Variants in MST1R observed in about 807,000 individuals in gnomAD.
The protein encoded by MST1R is macrophage stimulating 1 receptor.
MST1R carries 99 observed loss-of-function variants against 117.8 expected under a neutral mutation model. The ratio of observed to expected loss-of-function variants is 0.84; its 90% CI spans 0.71 to 0.99. The LOEUF (loss-of-function observed/expected upper bound fraction) is 0.99, where lower values mean the gene tolerates loss of function less well. Ranked by LOEUF, MST1R falls within the 50% of genes least tolerant of loss-of-function variation. The pLI, the probability that MST1R is intolerant of heterozygous loss-of-function variation, is 0.00. For missense variants in MST1R, 1,683 were observed against 1,840.2 expected (o/e 0.91, Z 1.56); for synonymous variants, 734 against 765.3 (o/e 0.96, Z 0.68).
Position 49,887,006 on chromosome 3 carries a change from T to G in MST1R, c.*301A>C. The G allele has an allele frequency of 2.2e-6, 1 of 445,570 alleles. No homozygotes were observed. The highest frequency in any genetic ancestry group is 4.0e-6 in the Non-Finnish European group (1 of 248,472). The allele number at this position is 445,570 out of a possible 1,614,324, so 27.6% of individuals were successfully genotyped here. On this transcript the variant is annotated 3_prime_UTR_variant, in exon 20 of 20. Transcript: ENST00000296474. ...CTTTCACACTGTTTGCTACAATTTGTGCTTTAATAGTCATTTGTTCCTTTA... is the reference window on the plus strand; with the variant it reads ...CTTTCACACTGTTTGCTACAATTTGGGCTTTAATAGTCATTTGTTCCTTTA...
At chr3:49,890,110 C>A (rs1477825967) in intron 18 of MST1R, 50 bp from the exon 19 acceptor site, 1 of 1,542,112 alleles carries the variant, frequency 6.5e-7, no homozygotes, top group Admixed American at 2.0e-5. Flanking sequence ...AATTTGGGGG[C>A]AGGTGGGTCC....
intron 9 of MST1R, 49 bp downstream of exon 9, chr3:49,896,491 C>A (rs1356936413): frequency 6.2e-7 from 1 of 1,611,072 alleles, no homozygotes. Context: ...TGGGCTGCAG[C>A]TCAGGGAACT....
chr3:49,897,588 T>C lies in MST1R; in HGVS notation c.1978A>G (p.Thr660Ala). ...AAGTGCTTGCCCGGTGGCATGTTAG[T>C]CACGGTGAGGCTGACGTTGGTAGGC... Reference protein sequence around the residue: ...VGPTNVSLTVTNMPPGKHFRV... With the variant: ...VGPTNVSLTVANMPPGKHFRV... The change falls in exon 6 of 20, where the codon ACT becomes GCT. Residue 660 changes from threonine to alanine, a missense_variant. By Grantham distance (58) the Thr-to-Ala change is moderately conservative. Transcript: ENST00000296474. 6.2e-7 allele frequency: 1 copy of C among 1,614,132 alleles called. No homozygotes were observed. The highest frequency in any genetic ancestry group is 8.5e-7 in the Non-Finnish European group (1 of 1,180,028).
At position 49,891,848 on chromosome 3, in the gene MST1R, G is replaced by A. The variant is rs766932743; in HGVS notation, c.3272-10C>T. On this transcript the variant is annotated splice_polypyrimidine_tract_variant and intron_variant, in intron 14 of 19. Coordinates refer to ENST00000296474, the MANE Select transcript of MST1R (RefSeq NM_002447.4). Reference sequence around the variant, plus strand: ...ACAACTCCAAAGTGGCCTGGTGTGAGGTGCATAATGAGTCGATGAGAGGGG... The same window carrying A: ...ACAACTCCAAAGTGGCCTGGTGTGAAGTGCATAATGAGTCGATGAGAGGGG... 1.2e-6 allele frequency: 2 copies of A among 1,613,796 alleles called. No homozygotes were observed. Among genetic ancestry groups the A allele is most frequent in the East Asian group, 2.2e-5 (1 of 44,882 alleles).
Position 49,902,682 on chromosome 3 carries a change from C to G in MST1R, c.928G>C (p.Gly310Arg). Residue 310 changes from glycine (G) to arginine (R), a missense_variant, in exon 1 of 20, where the codon GGG becomes CGG. Transcript: ENST00000296474. ...CRFAPKRRRRGAPEGGQPYPV... is the reference protein window; with the variant it reads ...CRFAPKRRRRRAPEGGQPYPV... ...TAGGGCTGTCCGCCTTCTGGGGCCC[C>G]CCGGCGCCTGCGTTTTGGAGCAAAT... The G allele has an allele frequency of 6.2e-7, 1 of 1,613,412 alleles. No homozygotes were observed. The highest frequency in any genetic ancestry group is 8.5e-7 in the Non-Finnish European group (1 of 1,180,018).
At position 49,897,393 on chromosome 3, in the gene MST1R, T is replaced by C. The variant is rs1428629113; in HGVS notation, c.2070A>G (p.Gln690=). The change falls in exon 7 of 20, where the codon CAA becomes CAG. Residue 690 remains glutamine, a synonymous_variant. Transcript: ENST00000296474. ...CTCCTGCCCGTGGGCCAAAGAGGGG[T>C]TGCACTGCTATCAGCACTGGCTCCT... ...SFMEPVLIAV[Q]PLFGPRAGGT... The C allele has an allele frequency of 1.2e-6, 2 of 1,613,618 alleles. No homozygotes were observed.
Position 49,890,017 on chromosome 3 carries a change from G to C in MST1R, c.3854C>G (p.Ala1285Gly). 1 of 1,613,328 alleles carries C rather than the reference G, an allele frequency of 6.2e-7. No individual in the cohort carries two copies. ...AGGGTCAATGTGGCGGTATGGTGGG[G>C]CACCCCGTGTCAGCAGTTCCCACAG... Reference protein sequence around the residue: ...VLLWELLTRGAPPYRHIDPFD... With the variant: ...VLLWELLTRGGPPYRHIDPFD... Residue 1285 changes from alanine to glycine, a missense_variant, in exon 19 of 20, where the codon GCC becomes GGC. Transcript: ENST00000296474.
intron 5 of MST1R, 99 bp downstream of exon 5, chr3:49,897,952 T>C (rs780909601): frequency 6.5e-7 from 1 of 1,541,172 alleles, no homozygotes; most frequent in Non-Finnish European, 8.9e-7. Context: ...GCTTCCCCCA[T>C]CCCCCCTTGC....
At position 49,896,533 on chromosome 3, in the gene MST1R, C is replaced by CA; in HGVS notation, c.2439+6dup. 1 of 1,614,070 alleles carries CA rather than the reference C, an allele frequency of 6.2e-7. No individual in the cohort carries two copies. The highest frequency in any genetic ancestry group is 8.5e-7 in the Non-Finnish European group (1 of 1,179,938). On this transcript the variant is annotated splice_region_variant and intron_variant, in intron 9 of 19. Transcript: ENST00000296474. ...GCCTTCCTCCCTCCTGGCCAGCACTCACTCACCCTGCTTTCCACTGCCCTA... is the reference window on the plus strand; with the variant it reads ...GCCTTCCTCCCTCCTGGCCAGCACTCAACTCACCCTGCTTTCCACTGCCCTA...
At chr3:49,898,246 G>A (rs745878504) in intron 4 of MST1R, 35 bp from the exon 5 acceptor site, 1 of 1,610,444 alleles carries the variant, frequency 6.2e-7, no homozygotes, top group Non-Finnish European at 8.5e-7. Context: ...TCCTCATGTG[G>A]GGTTGGGCTC....
Position 49,895,210 on chromosome 3 carries a change from G to A in MST1R, c.3228C>T (p.Pro1076=), listed in dbSNP as rs769544432. The part of the protein sequence containing the change: ...LLAEVKDVLI[P]HERVVTHSDR... Reference sequence around the variant, plus strand: ...CACTGTGGGTGACCACCCGCTCATGGGGAATCAGCACATCCTTGACCTCAG... The same window carrying A: ...CACTGTGGGTGACCACCCGCTCATGAGGAATCAGCACATCCTTGACCTCAG... Residue 1076 remains proline (P), a synonymous_variant, in exon 14 of 20, where the codon CCC becomes CCT. Transcript: ENST00000296474. The A allele has an allele frequency of 7.4e-6, 12 of 1,614,070 alleles. No individual in the cohort carries two copies. Among genetic ancestry groups the A allele is most frequent in the South Asian group, 1.1e-5 (1 of 91,084 alleles).
Position 49,896,579 on chromosome 3 carries a change from C to CTAA in MST1R, c.2399_2400insTTA (p.Val800_Leu801insTer). 6.2e-7 allele frequency: 1 copy of CTAA among 1,614,208 alleles called. No homozygotes were observed. Among genetic ancestry groups the CTAA allele is most frequent in the Admixed American group, 1.7e-5 (1 of 60,032 alleles). ...CCCTAAGCCCGTCATGGAATGACAGCACTAAGTGCCATGCTGAAGTTAGAT... is the reference window on the plus strand; with the variant it reads ...CCCTAAGCCCGTCATGGAATGACAGCTAAACTAAGTGCCATGCTGAAGTTAGAT... On this transcript the variant is annotated stop_gained and inframe_insertion, in exon 9 of 20. Transcript: ENST00000296474. LOFTEE classifies it high-confidence loss of function.
At chr3:49,893,885 T>G (rs1575431417) in intron 14 of MST1R, among the ~76,000 whole-genome samples, 3 of 117,602 alleles carry the variant, frequency 2.6e-5, no homozygotes, top group Non-Finnish European at 3.5e-5. Flanking sequence ...GGTGAAAGAG[T>G]GAGACTCCCT....
At chr3:49,902,196 G>GT (rs951764320) in intron 1 of MST1R, among the ~76,000 whole-genome samples, 184 bp downstream of exon 1, 1 of 152,162 alleles carries the variant, frequency 6.6e-6, no homozygotes, top group African/African-American at 2.4e-5. Flanking sequence ...TAAGCCTCCA[G>GT]TGTAGCCTTT....
rs975740653 is a variant in MST1R, at chr3:49,890,527, C to T, written c.3768G>A (p.Leu1256=). 1 of 1,614,132 alleles carries T rather than the reference C, an allele frequency of 6.2e-7. No homozygotes were observed. The highest frequency in any genetic ancestry group is 8.5e-7 in the Non-Finnish European group (1 of 1,180,002). The stretch of plus-strand genomic sequence containing the variant: ...TAAATCTATAGGTCTGCAGGCTCTC[C>T]AGCGCCATCCACTTCACAGGTAGGC... ...HARLPVKWMA[L]ESLQTYRFTT... Residue 1256 remains leucine, a synonymous_variant, in exon 18 of 20, where the codon CTG becomes CTA. Transcript: ENST00000296474.
chr3:49,892,456 G>C (rs2082342904), intron 14 of MST1R, among the ~76,000 whole-genome samples: 1 of 151,656 alleles, frequency 6.6e-6, no homozygotes, highest in African/African-American at 2.4e-5. Context: ...GAACCCGGGA[G>C]GCAGAGGTTG....
Position 49,893,280 on chromosome 3 carries a change from AAAATAAATAAAT to A in MST1R, c.3272-1454_3272-1443del, listed in dbSNP as rs59923845. On this transcript the variant is annotated intron_variant, in intron 14 of 19. Coordinates refer to ENST00000296474, the MANE Select transcript of MST1R (RefSeq NM_002447.4). ...GGTGACAGAGTGAGGTTCTGTCTCA[AAAATAAATAAAT>A]AAATAAATAAATAAATAAATAAATA... Among the ~76,000 whole-genome samples the A allele has an allele frequency of 7.4e-4, 104 of 140,678 alleles. No homozygotes were observed. In the South Asian group the frequency reaches 1.0e-2, roughly 13 times the overall value. 92.3% of individuals were successfully genotyped at this position (140,678 alleles called of 152,430 possible). A position where few individuals can be genotyped will look rare whatever the true frequency, so the allele number is the denominator to read the frequency against.
At position 49,899,198 on chromosome 3, in the gene MST1R, G is replaced by A. The variant is rs779182367; in HGVS notation, c.1296C>T (p.Ser432=). 5 of 1,614,178 alleles carry A rather than the reference G, an allele frequency of 3.1e-6. No individual in the cohort carries two copies. In the South Asian group the frequency reaches 5.5e-5, roughly 18 times the overall value. Residue 432 remains serine, a synonymous_variant, in exon 2 of 20, where the codon AGC becomes AGT. Transcript: ENST00000296474. Reference sequence around the variant, plus strand: ...CATTGAATAGGTCCACACGTGAGAAGCTGCTACTGACCAGCAGAGGGAAGT... The same window carrying A: ...CATTGAATAGGTCCACACGTGAGAAACTGCTACTGACCAGCAGAGGGAAGT... The part of the protein sequence containing the change: ...CRHFPLLVSS[S]FSRVDLFNGL...
chr3:49,902,794 A>G lies in MST1R; in HGVS notation c.816T>C (p.Asp272=), dbSNP rs2082729327. Residue 272 remains aspartate, a synonymous_variant, in exon 1 of 20, where the codon GAT becomes GAC. Coordinates refer to ENST00000296474, the MANE Select transcript of MST1R (RefSeq NM_002447.4). ...LTVQPASVTD[D]PSALHTRLAR... ...CCAGGCGTGTGTGCAGGGCACTAGG[A>G]TCATCTGTCACGCTGGCCGGCTGTA... 2.5e-6 allele frequency: 4 copies of G among 1,613,882 alleles called. No homozygotes were observed. Among genetic ancestry groups the G allele is most frequent in the Non-Finnish European group, 3.4e-6 (4 of 1,180,034 alleles).
Sources: gnomAD v4.1 joint callset for allele counts (sites outside exome capture counted in the v4.1 genomes callset) on GRCh38, gnomAD v4.1.1 for gene constraint, MANE v1.5 for transcripts, NCBI Gene and HGNC (gene_info 2026-07-23, HGNC 2026-07-21) for gene names.